The following MYCBP2 variants were observed in gnomAD, a reference collection of about 807,000 sequenced individuals.
The protein encoded by MYCBP2 is MYC binding protein 2.
MYCBP2 carries 120 observed loss-of-function variants against 525.3 expected under a neutral mutation model. The ratio of observed to expected loss-of-function variants is 0.23; its 90% CI spans 0.20 to 0.27. MYCBP2 has a LOEUF of 0.27. Among genes scored for constraint, MYCBP2 ranks in the 10% least tolerant of loss-of-function variants. The probability of loss-of-function intolerance (pLI) is 1.00; values close to 1 mark genes in which losing one functional copy is unlikely to be tolerated. For synonymous variants in MYCBP2, 1,894 were observed against 1,955.8 expected, an observed-to-expected ratio of 0.97 and a Z score of 0.83; for missense variants, 4,149 against 5,657.1, an observed-to-expected ratio of 0.73 and a Z score of 8.55.
At chr13:77,097,342 T>C in intron 56 of MYCBP2, 28 bp downstream of exon 56, 1 of 1,562,672 alleles carries the variant, frequency 6.4e-7, no homozygotes. Context: ...AAAAAGCACT[T>C]ATACGTACAT....
At chr13:77,126,162 G>T (rs974642877) in intron 53 of MYCBP2, among the ~76,000 whole-genome samples, 156 bp downstream of exon 53, 14 of 152,116 alleles carry the variant, frequency 9.2e-5, no homozygotes, top group African/African-American at 3.4e-4. Context: ...TTAGACAGAA[G>T]CACAGAAAAA....
chr13:77,195,156 A>T (rs2061638915), intron 26 of MYCBP2, among the ~76,000 whole-genome samples: 1 of 152,174 alleles, frequency 6.6e-6, no homozygotes, highest in Non-Finnish European at 1.5e-5. Flanking sequence ...TTTTTAAATT[A>T]TATGCTAATG....
rs371019723 is a variant in MYCBP2 at position 77,166,409 on chromosome 13, T to C, written c.6260A>G (p.His2087Arg). 8 of 1,613,944 alleles carry C rather than the reference T, an allele frequency of 5.0e-6. No individual in the cohort carries two copies. In the African/African-American group the frequency reaches 9.3e-5, roughly 19 times the overall value. ...TTCTATCCATGAATTAAGATTTTCATGAACAGATGTCAATTTTGGTCCATA... is the reference window on the plus strand; with the variant it reads ...TTCTATCCATGAATTAAGATTTTCACGAACAGATGTCAATTTTGGTCCATA... ...SGYGPKLTSV[H>R]ENLNSWIELK... The change falls in exon 41 of 83, where the codon CAT becomes CGT. Residue 2087 changes from histidine (H) to arginine (R), a missense_variant. Transcript: ENST00000544440.
Position 77,176,617 on chromosome 13 carries a change from T to C in MYCBP2, c.5352A>G (p.Ala1784=), listed in dbSNP as rs200206870. ...ATCTGTGGGAATGAGTTGAATCTCC[T>C]GCATGTTCACTCTAAAAAAAAAAAA... ...LEVLVDDSEH[A]GDSTHSHRWT... Residue 1784 remains alanine (A), a synonymous_variant, in exon 36 of 83, where the codon GCA becomes GCG. Transcript: ENST00000544440. 6.5e-7 allele frequency: 1 copy of C among 1,544,788 alleles called. No individual in the cohort carries two copies. Among genetic ancestry groups the C allele is most frequent in the South Asian group, 1.3e-5 (1 of 75,156 alleles).
chr13:77,135,461 GCA>G (rs2053598365), intron 52 of MYCBP2, among the ~76,000 whole-genome samples: 1 of 152,150 alleles, frequency 6.6e-6, no homozygotes, highest in African/African-American at 2.4e-5. Context: ...GTTTAGCCCT[GCA>G]CAGTCAGATA....
intron 32 of MYCBP2, among the ~76,000 whole-genome samples, chr13:77,183,971 T>A (rs2060499740): frequency 6.6e-6 from 1 of 152,152 alleles, no homozygotes; most frequent in Non-Finnish European, 1.5e-5. Flanking sequence ...GCTGTGTTAA[T>A]TTTCTCTACT....
intron 7 of MYCBP2, among the ~76,000 whole-genome samples, chr13:77,269,335 A>G (rs1363487495): frequency 6.6e-6 from 1 of 152,156 alleles, no homozygotes; most frequent in East Asian, 1.9e-4. Context: ...ATACATTTCC[A>G]ATTTAAATGT....
At position 77,243,177 on chromosome 13, in the gene MYCBP2, A is replaced by AAACAAC; in HGVS notation, c.2528-23_2528-18dup. 6.6e-7 allele frequency: 1 copy of AAACAAC among 1,509,018 alleles called. No homozygotes were observed. Among genetic ancestry groups the AAACAAC allele is most frequent in the East Asian group, 2.3e-5 (1 of 44,332 alleles). 93.5% of individuals were successfully genotyped at this position (1,509,018 alleles called of 1,614,324 possible). A position where few individuals can be genotyped will look rare whatever the true frequency, so the allele number is the denominator to read the frequency against. On this transcript the variant is annotated splice_polypyrimidine_tract_variant and intron_variant, in intron 16 of 82. Transcript: ENST00000544440. The stretch of plus-strand genomic sequence containing the variant: ...CTGGGACAGCTAGATGATTGGCCAA[A>AAACAAC]AACAACAACAACAACAACATATATG...
chr13:77,166,160 C>A (rs538654433), intron 41 of MYCBP2, among the ~76,000 whole-genome samples, 169 bp downstream of exon 41: 1 of 152,134 alleles, frequency 6.6e-6, no homozygotes, highest in East Asian at 1.9e-4. Flanking sequence ...TCAGGCTGTG[C>A]CCCTTGCCCA....
chr13:77,097,769 G>A lies in MYCBP2; in HGVS notation c.9385C>T (p.Leu3129=), dbSNP rs1196627215. Residue 3129 remains leucine, a synonymous_variant, in exon 56 of 83, where the codon CTG becomes TTG. Coordinates refer to ENST00000544440, the MANE Select transcript of MYCBP2 (RefSeq NM_015057.5). ...KVLSMLKEPP[L]HEKCEDGKTE... ...TTCCCATCCTCACATTTTTCATGCA[G>A]AGGTGGTTCCTTAAGCATAGACAAT... 1.9e-6 allele frequency: 3 copies of A among 1,613,724 alleles called. No homozygotes were observed. Among genetic ancestry groups the A allele is most frequent in the Non-Finnish European group, 2.5e-6 (3 of 1,179,802 alleles).
At chr13:77,109,851 T>G (rs1435464725) in intron 55 of MYCBP2, 2 of 152,210 alleles carry the variant, frequency 1.3e-5, no homozygotes, top group Non-Finnish European at 2.9e-5. Context: ...CTGCAATCTC[T>G]GAACATAAAT....
intron 55 of MYCBP2, among the ~76,000 whole-genome samples, chr13:77,101,907 AAC>A (rs1356156854): frequency 1.3e-5 from 2 of 152,128 alleles, no homozygotes; most frequent in Non-Finnish European, 2.9e-5. Flanking sequence ...AACAAATATA[AAC>A]AGTTTGCTAA....
At chr13:77,165,140 T>C in intron 42 of MYCBP2, 133 bp downstream of exon 42, 1 of 688,392 alleles carries the variant, frequency 1.5e-6, no homozygotes, top group South Asian at 1.7e-5. Context: ...CAATTACAGG[T>C]GTGAGCCACT....
chr13:77,068,408 T>TAAAAAAAAAAAAAAAAAAAAAAAAAA (rs57296816), intron 70 of MYCBP2, among the ~76,000 whole-genome samples, 157 bp downstream of exon 70: 3 of 146,076 alleles, frequency 2.1e-5, no homozygotes, highest in Admixed American at 6.8e-5. Flanking sequence ...CTATAAACAG[T>TAAAAAAAAAAAAAAAAAAAAAAAAAA]AAAAAAGGGA....
chr13:77,192,986 G>A (rs886606144), intron 27 of MYCBP2, among the ~76,000 whole-genome samples: 3 of 151,888 alleles, frequency 2.0e-5, no homozygotes, highest in African/African-American at 4.8e-5. Flanking sequence ...AACATTAGCC[G>A]GGCCTGGTGG....
At chr13:77,319,528 A>G (rs1472474019) in intron 1 of MYCBP2, among the ~76,000 whole-genome samples, 3 of 152,210 alleles carry the variant, frequency 2.0e-5, no homozygotes, top group African/African-American at 7.2e-5. Context: ...ACATGATGCT[A>G]AATAAATTTC....
chr13:77,241,603 T>C (rs1209797006), intron 17 of MYCBP2, among the ~76,000 whole-genome samples: 3 of 152,204 alleles, frequency 2.0e-5, no homozygotes, highest in Admixed American at 1.3e-4. Flanking sequence ...CATATACTTA[T>C]ATAATGTAAA....
At chr13:77,140,203 T>C (rs369963541) in intron 50 of MYCBP2, 40 bp from the exon 51 acceptor site, 21 of 1,286,082 alleles carry the variant, frequency 1.6e-5, no homozygotes, top group East Asian at 9.4e-5. Context: ...AGGAAGAACA[T>C]AGAATAGAGA....
chr13:77,235,564 T>C (rs964946564), intron 17 of MYCBP2, among the ~76,000 whole-genome samples: 7 of 152,108 alleles, frequency 4.6e-5, no homozygotes, highest in African/African-American at 1.7e-4. Context: ...AACTTCATTC[T>C]AGAGATGATA....
Sources: gnomAD v4.1 joint callset for allele counts (sites outside exome capture counted in the v4.1 genomes callset) on GRCh38, gnomAD v4.1.1 for gene constraint, MANE v1.5 for transcripts, NCBI Gene and HGNC (gene_info 2026-07-23, HGNC 2026-07-21) for gene names.